Variants in YARS1 observed in about 807,000 individuals in gnomAD.
YARS1 encodes tyrosine--tRNA ligase, cytoplasmic.
A neutral mutation model predicts 62.2 loss-of-function variants in YARS1; 36 were observed. The observed-to-expected ratio is 0.58, with a 90% confidence interval of 0.44 to 0.76. YARS1 has a LOEUF of 0.76. Among genes scored for constraint, YARS1 ranks in the 30% least tolerant of loss-of-function variants. The probability of loss-of-function intolerance (pLI) is 0.00; values close to 1 mark genes in which losing one functional copy is unlikely to be tolerated. For synonymous variants in YARS1, 234 were observed against 244.9 expected (o/e 0.96, Z 0.42); for missense variants, 524 against 639.8 (o/e 0.82, Z 1.95).
chr1:32,787,098 G>A (rs1054198390), intron 6 of YARS1, 23 bp from the exon 7 acceptor site: 9 of 1,613,778 alleles, frequency 5.6e-6, no homozygotes, highest in Non-Finnish European at 7.6e-6. Context: ...GAACGGAAGA[G>A]GACCTCTTGT....
intron 5 of YARS1, among the ~76,000 whole-genome samples, chr1:32,794,582 G>A (rs1332064480): frequency 1.3e-5 from 2 of 151,660 alleles, no homozygotes; most frequent in Non-Finnish European, 2.9e-5. Context: ...TAGAGACGGG[G>A]TTTCATCATG....
chr1:32,779,928 A>G, intron 11 of YARS1, 157 bp downstream of exon 11: 2 of 826,112 alleles, frequency 2.4e-6, no homozygotes, highest in Non-Finnish European at 4.0e-6. Flanking sequence ...CAGTACTTGT[A>G]CGATAAGTCC....
At chr1:32,778,994 C>A (rs897092500) in intron 12 of YARS1, among the ~76,000 whole-genome samples, 2 of 152,094 alleles carry the variant, frequency 1.3e-5, no homozygotes, top group Non-Finnish European at 2.9e-5. Flanking sequence ...CCTGCCTCGG[C>A]CTCCCAAAGT....
chr1:32,782,139 C>A (rs1475072250), intron 9 of YARS1: 8 of 521,656 alleles, frequency 1.5e-5, no homozygotes, highest in Non-Finnish European at 2.7e-5. Context: ...GCAGATTTAA[C>A]AAACAGACTA....
At chr1:32,815,506 G>A (rs1638690022) in intron 1 of YARS1, among the ~76,000 whole-genome samples, 1 of 147,496 alleles carries the variant, frequency 6.8e-6, no homozygotes, top group Non-Finnish European at 1.5e-5. Flanking sequence ...AGACTAAGTT[G>A]TAAATGGAAT....
At chr1:32,779,225 C>A (rs985590417) in intron 12 of YARS1, among the ~76,000 whole-genome samples, 157 bp downstream of exon 12, 2 of 152,078 alleles carry the variant, frequency 1.3e-5, no homozygotes, top group Non-Finnish European at 2.9e-5. Context: ...TCCTTAGGCA[C>A]CTTGAATTCA....
intron 9 of YARS1, chr1:32,781,792 A>G (rs1378464153): frequency 6.2e-6 from 1 of 162,554 alleles, no homozygotes; most frequent in African/African-American, 2.4e-5. Flanking sequence ...GTTGGGTATA[A>G]TAGGTCTAAT....
chr1:32,806,946 T>G (rs1190909777), intron 3 of YARS1, among the ~76,000 whole-genome samples: 1 of 152,166 alleles, frequency 6.6e-6, no homozygotes, highest in Admixed American at 6.6e-5. Flanking sequence ...CCCTTGAATC[T>G]AAAATAAAAG....
At chr1:32,782,804 C>A in intron 8 of YARS1, 1 of 476,450 alleles carries the variant, frequency 2.1e-6, no homozygotes, top group Non-Finnish European at 3.8e-6. Flanking sequence ...CTAGTCCCTC[C>A]ATTTATGCTT....
At position 32,775,670 on chromosome 1, in the gene YARS1, G is replaced by A; in HGVS notation, c.*311C>T. 1 of 406,164 alleles carries A rather than the reference G, an allele frequency of 2.5e-6. No individual in the cohort carries two copies. The highest frequency in any genetic ancestry group is 3.1e-5 in the South Asian group (1 of 32,122). The allele number at this position is 406,164 out of a possible 1,614,324, so 25.2% of individuals were successfully genotyped here. On this transcript the variant is annotated 3_prime_UTR_variant, in exon 13 of 13. Transcript: ENST00000373477. The stretch of plus-strand genomic sequence containing the variant: ...GCACCAGTATTTTTCCAATTATAAG[G>A]ACTGTGGCATAAATTTTTAAATGAG...
intron 5 of YARS1, among the ~76,000 whole-genome samples, chr1:32,793,400 T>C (rs1324400146): frequency 6.6e-6 from 1 of 152,176 alleles, no homozygotes. Context: ...CCTAGCAATT[T>C]GGGAGGCCAA....
chr1:32,784,093 C>T (rs1357289451), intron 8 of YARS1, among the ~76,000 whole-genome samples: 1 of 151,108 alleles, frequency 6.6e-6, no homozygotes, highest in Non-Finnish European at 1.5e-5. Context: ...CAGCTTTGAT[C>T]TCCTGGGCTC....
chr1:32,810,823 G>A lies in YARS1; in HGVS notation c.205-57C>T, dbSNP rs4951787. On this transcript the variant is annotated intron_variant, in intron 2 of 12. Coordinates refer to ENST00000373477, the MANE Select transcript of YARS1 (RefSeq NM_003680.4). ...GAATTTGTCCAATTACCTCCAACCT[G>A]TCTCCTCCAGCCCCACCCTGTCCTT... 1,610,051 of 1,614,066 alleles carry A rather than the reference G, an allele frequency of 1. 803,108 individuals are homozygous for A. Among genetic ancestry groups the A allele is most frequent in the East Asian group, 1 (44,870 of 44,870 alleles).
chr1:32,803,876 A>G (rs1242820257), intron 4 of YARS1, among the ~76,000 whole-genome samples: 2 of 151,944 alleles, frequency 1.3e-5, no homozygotes, highest in East Asian at 3.8e-4. Flanking sequence ...TCCTAGGCAG[A>G]GGACCCTGCG....
chr1:32,812,394 C>T (rs559207943), intron 1 of YARS1, among the ~76,000 whole-genome samples: 2 of 152,270 alleles, frequency 1.3e-5, no homozygotes, highest in South Asian at 4.1e-4. Context: ...CTCTCTGTAG[C>T]AATAAGATAC....
intron 5 of YARS1, among the ~76,000 whole-genome samples, chr1:32,792,068 C>A (rs1210618469): frequency 6.6e-6 from 1 of 152,128 alleles, no homozygotes; most frequent in Non-Finnish European, 1.5e-5. Context: ...CCACTGATTT[C>A]TTGGCTGACT....
intron 4 of YARS1, among the ~76,000 whole-genome samples, chr1:32,804,361 C>T (rs1457445836): frequency 6.7e-6 from 1 of 148,586 alleles, no homozygotes; most frequent in Non-Finnish European, 1.5e-5. Flanking sequence ...GGTGGCTGGC[C>T]GGGCGGGGGT....
chr1:32,777,604 C>T (rs543720451), intron 12 of YARS1, among the ~76,000 whole-genome samples: 30 of 152,184 alleles, frequency 2.0e-4, no homozygotes, highest in Admixed American at 1.8e-3. Flanking sequence ...GAGCAAGACT[C>T]CATCTTGGAA....
chr1:32,795,196 G>A (rs902909606), intron 5 of YARS1, among the ~76,000 whole-genome samples: 2 of 151,202 alleles, frequency 1.3e-5, no homozygotes, highest in Non-Finnish European at 2.9e-5. Flanking sequence ...GCGGGCGCCT[G>A]TAGTCCCAGC....
Sources: gnomAD v4.1 joint callset for allele counts (sites outside exome capture counted in the v4.1 genomes callset) on GRCh38, gnomAD v4.1.1 for gene constraint, MANE v1.5 for transcripts, NCBI Gene and HGNC (gene_info 2026-07-23, HGNC 2026-07-21) for gene names.